The following LRRC37A2 variants were observed in gnomAD, a reference collection of about 807,000 sequenced individuals.
The protein encoded by LRRC37A2 is leucine-rich repeat-containing protein 37A2.
A neutral mutation model predicts 68.8 loss-of-function variants in LRRC37A2; 9 were observed. The observed-to-expected ratio is 0.13, with a 90% confidence interval of 0.08 to 0.23. The LOEUF is 0.23. Among genes scored for constraint, LRRC37A2 ranks in the 10% least tolerant of loss-of-function variants. The pLI is 1.00. For synonymous variants in LRRC37A2, 63 were observed against 367.6 expected, an observed-to-expected ratio of 0.17 and a Z score of 9.48; for missense variants, 168 against 950.4, an observed-to-expected ratio of 0.18 and a Z score of 10.82.
chr17:46,996,167 A>G, the LRRC37A2 span, among the ~76,000 whole-genome samples: 2 of 152,176 alleles, frequency 1.3e-5, no homozygotes, highest in Admixed American at 6.5e-5. Flanking sequence ...GGATATCCCA[A>G]TGCCACCAGT....
chr17:46,728,932 C>T, the LRRC37A2 span: 1 of 1,586,904 alleles, frequency 6.3e-7, no homozygotes. Context: ...GGCACCTCCT[C>T]AGGTAAAATA....
chr17:47,013,860 C>A, the LRRC37A2 span, among the ~76,000 whole-genome samples: 11 of 152,274 alleles, frequency 7.2e-5, no homozygotes, highest in South Asian at 1.0e-3. Flanking sequence ...CAGGGCTGGG[C>A]GCGGTGGCTC....
chr17:46,987,568 G>A, the LRRC37A2 span, among the ~76,000 whole-genome samples: 3 of 152,198 alleles, frequency 2.0e-5, no homozygotes, highest in African/African-American at 2.4e-5. Context: ...CTAGGAGGCC[G>A]GTTTGGGGGC....
At chr17:47,024,657 G>A in the LRRC37A2 span, 1 of 967,894 alleles carries the variant, frequency 1.0e-6, no homozygotes, top group Admixed American at 1.7e-5. Context: ...TTTTAATCTA[G>A]AAATAACTTC....
the LRRC37A2 span, chr17:46,875,181 C>T: frequency 4.3e-6 from 7 of 1,614,058 alleles, no homozygotes; most frequent in East Asian, 2.2e-5. Flanking sequence ...CAGCGCTGGG[C>T]GCATGGAGCG....
At chr17:47,004,818 C>G in the LRRC37A2 span, among the ~76,000 whole-genome samples, 3 of 152,258 alleles carry the variant, frequency 2.0e-5, no homozygotes, top group African/African-American at 7.2e-5. Flanking sequence ...GCGTGAGCCA[C>G]TGCACCTGGC....
the LRRC37A2 span, chr17:46,751,583 G>A: frequency 1.2e-6 from 2 of 1,613,888 alleles, no homozygotes; most frequent in South Asian, 2.2e-5. Context: ...TAGGAATCAA[G>A]AAGTTACTAA....
the LRRC37A2 span, among the ~76,000 whole-genome samples, chr17:46,862,434 A>G: frequency 3.9e-5 from 6 of 152,108 alleles, no homozygotes; most frequent in Admixed American, 1.3e-4. Context: ...AGGGCTTGCT[A>G]CCGTATGAGT....
At chr17:46,568,876 G>A in the LRRC37A2 span, among the ~76,000 whole-genome samples, 2 of 127,040 alleles carry the variant, frequency 1.6e-5, no homozygotes, top group Admixed American at 1.7e-4. Context: ...TGCACTGTGC[G>A]AACTCTGATC....
chr17:46,934,681 G>T, the LRRC37A2 span, among the ~76,000 whole-genome samples: 1 of 152,352 alleles, frequency 6.6e-6, no homozygotes, highest in South Asian at 2.1e-4. Flanking sequence ...GAACCAGCTA[G>T]GTTAGTGAGT....
chr17:46,499,298 C>G, the LRRC37A2 span, among the ~76,000 whole-genome samples: 1 of 94,406 alleles, frequency 1.1e-5, no homozygotes, highest in Non-Finnish European at 1.7e-5. Flanking sequence ...GTCGACAGAG[C>G]AAGACTCCAG....
the LRRC37A2 span, among the ~76,000 whole-genome samples, chr17:46,837,155 C>A: frequency 5.9e-5 from 9 of 152,180 alleles, no homozygotes; most frequent in South Asian, 2.1e-4. Flanking sequence ...GTTGGCCAGG[C>A]TGGTCTTGAT....
the LRRC37A2 span, among the ~76,000 whole-genome samples, chr17:46,994,103 G>A: frequency 6.6e-6 from 1 of 152,228 alleles, no homozygotes. Flanking sequence ...TGCTGGTGGG[G>A]GCTGGGCGTG....
At chr17:46,904,741 C>T in the LRRC37A2 span, among the ~76,000 whole-genome samples, 1 of 152,192 alleles carries the variant, frequency 6.6e-6, no homozygotes. Context: ...CATAAAGTTT[C>T]AAACTCAGGA....
the LRRC37A2 span, among the ~76,000 whole-genome samples, chr17:46,502,085 G>T: frequency 6.6e-6 from 1 of 151,314 alleles, no homozygotes; most frequent in African/African-American, 2.5e-5. Context: ...CATTTTGTAA[G>T]TAATGAGTTT....
chr17:46,927,991 C>T, the LRRC37A2 span, among the ~76,000 whole-genome samples: 3 of 152,176 alleles, frequency 2.0e-5, no homozygotes, highest in Non-Finnish European at 2.9e-5. Context: ...CGTTACCCTC[C>T]GGTCCCCTGT....
the LRRC37A2 span, among the ~76,000 whole-genome samples, chr17:46,771,702 C>G: frequency 7.0e-6 from 1 of 143,778 alleles, no homozygotes; most frequent in South Asian, 2.1e-4. Context: ...GCGGCCGGGC[C>G]GCGCCCCCGG....
chr17:46,876,130 C>T, the LRRC37A2 span: 2 of 1,011,494 alleles, frequency 2.0e-6, no homozygotes, highest in South Asian at 3.4e-5. Flanking sequence ...GGCTGAGACC[C>T]TGGGTCTCTT....
chr17:46,843,284 A>G, the LRRC37A2 span, among the ~76,000 whole-genome samples: 1 of 152,254 alleles, frequency 6.6e-6, no homozygotes, highest in African/African-American at 2.4e-5. Flanking sequence ...CTCTCACTCC[A>G]AAGTAGAACT....
Sources: gnomAD v4.1 joint callset for allele counts (sites outside exome capture counted in the v4.1 genomes callset) on GRCh38, gnomAD v4.1.1 for gene constraint, MANE v1.5 for transcripts, NCBI Gene and HGNC (gene_info 2026-07-23, HGNC 2026-07-21) for gene names.